Variants in NECAB2 observed in about 807,000 individuals in gnomAD.
NECAB2 encodes N-terminal EF-hand calcium binding protein 2, also known as N-terminal EF-hand calcium-binding protein 2.
In NECAB2, 68 loss-of-function variants were observed where a neutral mutation model predicts 51.9. The observed-to-expected ratio is 1.31, with a 90% CI of 1.08 to 1.60. NECAB2 has a LOEUF of 1.60. NECAB2 is among the 40% of genes most tolerant of loss of function. The probability of loss-of-function intolerance (pLI) is 0.00; values close to 1 mark genes in which losing one functional copy is unlikely to be tolerated. For missense variants in NECAB2, 854 were observed against 490.3 expected, an observed-to-expected ratio of 1.74 and a Z score of -7.00; for synonymous variants, 329 against 203.5, an observed-to-expected ratio of 1.62 and a Z score of -5.25.
At chr16:83,999,250 T>C (rs555468708) in intron 10 of NECAB2, among the ~76,000 whole-genome samples, 3 of 150,960 alleles carry the variant, frequency 2.0e-5, no homozygotes, top group African/African-American at 7.4e-5. Context: ...GGGGCCATTC[T>C]TGAGTAAGTA....
upstream of NECAB2, chr16:83,966,081 C>T (rs112645585): frequency 6.9e-4 from 856 of 1,236,648 alleles, 5 homozygotes; most frequent in African/African-American, 0.011. Context: ...ATGCAGGACC[C>T]GTCCAAAGAT....
chr16:83,972,569 C>T (rs2084361203), intron 2 of NECAB2, among the ~76,000 whole-genome samples: 4 of 152,242 alleles, frequency 2.6e-5, no homozygotes, highest in Admixed American at 2.6e-4. Flanking sequence ...CCTTCACAAG[C>T]CTTGGTGCAG....
chr16:83,972,198 C>T (rs777750285), intron 2 of NECAB2, 23 bp downstream of exon 2: 28 of 1,613,398 alleles, frequency 1.7e-5, no homozygotes, highest in Non-Finnish European at 2.1e-5. Flanking sequence ...TCCAGGCCGA[C>T]GGCCGCCCCA....
intron 2 of NECAB2, among the ~76,000 whole-genome samples, chr16:83,977,864 G>A (rs560721285): frequency 1.1e-4 from 16 of 152,346 alleles, no homozygotes; most frequent in African/African-American, 3.8e-4. Context: ...GAGAGTCAGG[G>A]CTTAGGGGCT....
chr16:84,000,408 G>T (rs537705784), intron 10 of NECAB2, among the ~76,000 whole-genome samples: 24 of 152,102 alleles, frequency 1.6e-4, no homozygotes, highest in Non-Finnish European at 2.9e-4. Flanking sequence ...CACTCCTCTA[G>T]TCCCCGCTAC....
intron 11 of NECAB2, among the ~76,000 whole-genome samples, chr16:84,001,336 C>G (rs964976548): frequency 2.0e-5 from 3 of 152,000 alleles, no homozygotes; most frequent in African/African-American, 4.8e-5. Context: ...GAAGCGGGGC[C>G]TAGGGGTAGC....
intron 5 of NECAB2, among the ~76,000 whole-genome samples, chr16:83,981,935 G>A (rs8046618): frequency 0.27 from 40,511 of 152,128 alleles, 9,968 homozygotes; most frequent in African/African-American, 0.66. Context: ...TTGAGGCCGG[G>A]GAACTTAGCT....
rs140440805 is a variant in NECAB2 at position 83,981,010 on chromosome 16, C to T, written c.362-20C>T. 1.7e-4 allele frequency: 278 copies of T among 1,612,762 alleles called. 1 individual carries two copies. In the African/African-American group the frequency reaches 3.3e-3, roughly 19 times the overall value. The stretch of plus-strand genomic sequence containing the variant: ...AGGGGCAGGACCTGTGACCCCTGAC[C>T]TTTGCCTTTCCTTCCCCAGATTACT... On this transcript the variant is annotated intron_variant, in intron 4 of 12. Transcript: ENST00000305202.
chr16:84,002,257 A>G, intron 12 of NECAB2, 61 bp from the exon 13 acceptor site: 3 of 1,584,792 alleles, frequency 1.9e-6, no homozygotes, highest in Non-Finnish European at 2.6e-6. Context: ...GACGACCACC[A>G]CCAGCTACGA....
intron 8 of NECAB2, 36 bp downstream of exon 8, chr16:83,994,724 C>T (rs2084673175): frequency 1.2e-6 from 2 of 1,604,978 alleles, no homozygotes; most frequent in Non-Finnish European, 1.7e-6. Flanking sequence ...CTACTCCTTC[C>T]AACCCCTGAG....
At chr16:83,977,975 G>T (rs1207418671) in intron 2 of NECAB2, among the ~76,000 whole-genome samples, 1 of 152,194 alleles carries the variant, frequency 6.6e-6, no homozygotes, top group Non-Finnish European at 1.5e-5. Flanking sequence ...CATACCGATG[G>T]TGTGACATGG....
intron 11 of NECAB2, 75 bp from the exon 12 acceptor site, chr16:84,001,750 C>T (rs1189878368): frequency 1.3e-6 from 2 of 1,524,910 alleles, no homozygotes; most frequent in Non-Finnish European, 1.8e-6. Flanking sequence ...TGGGCTAGAG[C>T]TAGGATTAAC....
chr16:83,999,969 C>T (rs1015084941), intron 10 of NECAB2, among the ~76,000 whole-genome samples: 4 of 152,148 alleles, frequency 2.6e-5, no homozygotes, highest in Middle Eastern at 3.2e-3. Flanking sequence ...TCACTGCAAC[C>T]TCTCACCAGA....
intron 3 of NECAB2, among the ~76,000 whole-genome samples, chr16:83,980,499 T>C (rs2084472378): frequency 6.6e-6 from 1 of 152,088 alleles, no homozygotes; most frequent in African/African-American, 2.4e-5. Flanking sequence ...AGAGCTTTGC[T>C]GACAGCCCGT....
chr16:84,001,775 C>G (rs77670984), intron 11 of NECAB2, 50 bp from the exon 12 acceptor site: 3 of 1,590,156 alleles, frequency 1.9e-6, no homozygotes, highest in Admixed American at 3.3e-5. Flanking sequence ...GAGCCACACG[C>G]GGAGCTCCAC....
chr16:83,989,261 C>G (rs897917008), intron 5 of NECAB2, among the ~76,000 whole-genome samples: 12 of 152,172 alleles, frequency 7.9e-5, no homozygotes, highest in South Asian at 2.1e-4. Context: ...CTGTAAGAAC[C>G]TGACATAGTT....
chr16:83,967,108 G>A (rs2084289436), upstream of NECAB2, among the ~76,000 whole-genome samples: 1 of 152,184 alleles, frequency 6.6e-6, no homozygotes, highest in Non-Finnish European at 1.5e-5. Flanking sequence ...CTGACCTCAA[G>A]TGATCCGCCC....
At chr16:83,995,562 A>G (rs1196539519) in intron 8 of NECAB2, among the ~76,000 whole-genome samples, 2 of 152,220 alleles carry the variant, frequency 1.3e-5, no homozygotes, top group Non-Finnish European at 2.9e-5. Flanking sequence ...ACATGCACAC[A>G]GCACACCCGT....
chr16:83,966,199 C>T (rs902032762), upstream of NECAB2: 13 of 584,168 alleles, frequency 2.2e-5, no homozygotes, highest in Non-Finnish European at 3.3e-5. Context: ...TAACAGCGGC[C>T]GCAGGCCAGG....
Sources: gnomAD v4.1 joint callset for allele counts (sites outside exome capture counted in the v4.1 genomes callset) on GRCh38, gnomAD v4.1.1 for gene constraint, MANE v1.5 for transcripts, NCBI Gene and HGNC (gene_info 2026-07-23, HGNC 2026-07-21) for gene names.